CTNND2: variants seen among roughly 807,000 people sequenced by gnomAD.
CTNND2 encodes catenin delta 2, also known as catenin delta-2.
CTNND2 carries 22 observed loss-of-function variants against 144.4 expected under a neutral mutation model. The observed-to-expected ratio is 0.15, with a 90% CI of 0.11 to 0.22. The LOEUF (loss-of-function observed/expected upper bound fraction) is 0.22. Ranked by LOEUF, CTNND2 falls within the 10% of genes least tolerant of loss-of-function variation. The pLI is 1.00. For missense variants in CTNND2, 1,353 were observed against 1,618.8 expected, an observed-to-expected ratio of 0.84 and a Z score of 2.82; for synonymous variants, 751 against 695.6, an observed-to-expected ratio of 1.08 and a Z score of -1.25.
At chr5:11,394,858 A>G (rs941704582) in intron 6 of CTNND2, among the ~76,000 whole-genome samples, 2 of 152,192 alleles carry the variant, frequency 1.3e-5, no homozygotes, top group African/African-American at 4.8e-5. Flanking sequence ...AAATTTACGA[A>G]CCAGATAAAA....
intron 2 of CTNND2, among the ~76,000 whole-genome samples, chr5:11,576,123 C>A (rs1378605601): frequency 5.3e-5 from 8 of 152,074 alleles, no homozygotes; most frequent in Non-Finnish European, 8.8e-5. Context: ...CTTTAATCTG[C>A]CGAGTGATGC....
chr5:11,805,452 C>T (rs1791940002), intron 1 of CTNND2, among the ~76,000 whole-genome samples: 3 of 151,902 alleles, frequency 2.0e-5, no homozygotes, highest in African/African-American at 7.2e-5. Context: ...ATGGCTGATC[C>T]TAAGACTGGA....
At chr5:11,737,010 T>C (rs933234867) in intron 1 of CTNND2, among the ~76,000 whole-genome samples, 9 of 149,100 alleles carry the variant, frequency 6.0e-5, no homozygotes, top group African/African-American at 2.2e-4. Flanking sequence ...TCTGTACATG[T>C]TGAAAGTTAT....
intron 1 of CTNND2, among the ~76,000 whole-genome samples, chr5:11,756,327 T>C (rs1212323689): frequency 1.3e-5 from 2 of 151,700 alleles, no homozygotes; most frequent in South Asian, 2.1e-4. Flanking sequence ...AGTTGTTTAG[T>C]TGTTATGTGA....
chr5:11,842,638 G>A (rs1462549584), intron 1 of CTNND2, among the ~76,000 whole-genome samples: 2 of 151,620 alleles, frequency 1.3e-5, no homozygotes, highest in Non-Finnish European at 2.9e-5. Context: ...AGAACCGCGT[G>A]AACCTGGGAG....
chr5:11,509,634 A>G (rs1247588834), intron 3 of CTNND2, among the ~76,000 whole-genome samples: 1 of 152,230 alleles, frequency 6.6e-6, no homozygotes, highest in Non-Finnish European at 1.5e-5. Flanking sequence ...TTAAACAAAT[A>G]GATAAAAGGT....
chr5:11,507,171 C>T (rs779244516), intron 3 of CTNND2, among the ~76,000 whole-genome samples: 3 of 152,300 alleles, frequency 2.0e-5, no homozygotes, highest in South Asian at 2.1e-4. Context: ...TCTCTTTCAC[C>T]TCCAAATACA....
chr5:11,140,791 C>G (rs28435686), intron 12 of CTNND2, among the ~76,000 whole-genome samples: 1 of 151,776 alleles, frequency 6.6e-6, no homozygotes, highest in Non-Finnish European at 1.5e-5. Context: ...AAAATGTACA[C>G]GTATTTAAGT....
chr5:11,284,364 A>G (rs993031024), intron 9 of CTNND2, among the ~76,000 whole-genome samples: 1 of 151,984 alleles, frequency 6.6e-6, no homozygotes, highest in Non-Finnish European at 1.5e-5. Flanking sequence ...TCAACCTATC[A>G]CCTAGGTATT....
intron 2 of CTNND2, among the ~76,000 whole-genome samples, chr5:11,662,217 ATATATGTG>A (rs1783288407): frequency 7.5e-6 from 1 of 134,210 alleles, no homozygotes; most frequent in Admixed American, 7.2e-5. Flanking sequence ...ATATATATAC[ATATATGTG>A]TATATATGTA....
At chr5:11,041,353 C>T (rs933982548) in intron 16 of CTNND2, among the ~76,000 whole-genome samples, 1 of 152,120 alleles carries the variant, frequency 6.6e-6, no homozygotes, top group African/African-American at 2.4e-5. Context: ...ATAAAAATGG[C>T]AGGTATAATT....
At chr5:11,748,349 A>G (rs186557345) in intron 1 of CTNND2, among the ~76,000 whole-genome samples, 36 of 152,224 alleles carry the variant, frequency 2.4e-4, no homozygotes, top group African/African-American at 8.4e-4. Flanking sequence ...AATCTAAATT[A>G]TATATATTTA....
chr5:11,375,914 C>A (rs1463972518), intron 7 of CTNND2, among the ~76,000 whole-genome samples: 4 of 152,112 alleles, frequency 2.6e-5, no homozygotes, highest in Non-Finnish European at 4.4e-5. Flanking sequence ...AATGTTTGTG[C>A]TCTCCTCGCC....
chr5:11,903,073 G>T lies in CTNND2; in HGVS notation c.37+744C>A. On this transcript the variant is annotated intron_variant, in intron 1 of 21. Transcript: ENST00000304623. The surrounding 1 kb of genome is among the most constrained non-coding windows in gnomAD (Gnocchi z 5.4). Reference sequence around the variant, plus strand: ...ACACACCAGAATAAGATGAGGGTCGGGAAAAAAAGAAAAAAGCAGCTTCGC... The same window carrying T: ...ACACACCAGAATAAGATGAGGGTCGTGAAAAAAAGAAAAAAGCAGCTTCGC... The T allele has an allele frequency of 2.0e-6, 1 of 503,240 alleles. No individual in the cohort carries two copies. Among genetic ancestry groups the T allele is most frequent in the Non-Finnish European group, 2.6e-6 (1 of 389,424 alleles). The allele number at this position is 503,240 out of a possible 1,614,324, so 31.2% of individuals were successfully genotyped here.
chr5:11,819,430 A>AAGACAGACAGAC (rs57457496), intron 1 of CTNND2, among the ~76,000 whole-genome samples: 6 of 151,670 alleles, frequency 4.0e-5, no homozygotes, highest in African/African-American at 1.5e-4. Context: ...GCAAGATTCC[A>AAGACAGACAGAC]AGACAGACAG....
intron 1 of CTNND2, among the ~76,000 whole-genome samples, chr5:11,796,640 A>T (rs1475813279): frequency 6.6e-6 from 1 of 152,220 alleles, no homozygotes. Flanking sequence ...TTTTTAAGGT[A>T]ATGAGCCCAA....
chr5:11,231,441 A>G (rs1741005203), intron 10 of CTNND2, among the ~76,000 whole-genome samples: 1 of 152,200 alleles, frequency 6.6e-6, no homozygotes, highest in South Asian at 2.1e-4. Context: ...TGATATGGAC[A>G]AGGAAGTCCA....
chr5:11,483,750 G>T (rs143932763), intron 3 of CTNND2, among the ~76,000 whole-genome samples: 126 of 152,298 alleles, frequency 8.3e-4, no homozygotes, highest in Middle Eastern at 3.4e-3. Flanking sequence ...ACGAATGAAT[G>T]ATTTCTGGTA....
chr5:11,189,799 G>C (rs1386576576), intron 11 of CTNND2, among the ~76,000 whole-genome samples: 1 of 152,120 alleles, frequency 6.6e-6, no homozygotes, highest in Non-Finnish European at 1.5e-5. Context: ...TTTGTTTAAT[G>C]AATGAATGAA....
Sources: gnomAD v4.1 joint callset for allele counts (sites outside exome capture counted in the v4.1 genomes callset) on GRCh38, gnomAD v4.1.1 for gene constraint, Gnocchi (gnomAD v3.1) non-coding constraint, MANE v1.5 for transcripts, NCBI Gene and HGNC (gene_info 2026-07-23, HGNC 2026-07-21) for gene names.